WWC2: variants seen among roughly 807,000 people sequenced by gnomAD.
WWC2 encodes the protein protein WWC2.
Under a neutral mutation model 138.5 loss-of-function variants are expected in WWC2, and 101 were observed. The ratio of observed to expected loss-of-function variants is 0.73; its 90% CI spans 0.62 to 0.86. The LOEUF (loss-of-function observed/expected upper bound fraction) is 0.86. WWC2 is among the 40% of genes least tolerant of loss of function. The pLI is 0.00. For synonymous variants in WWC2, 558 were observed against 538.4 expected (o/e 1.04, Z -0.50); for missense variants, 1,420 against 1,419.4 (o/e 1.00, Z -0.01).
Position 183,284,204 on chromosome 4 carries a change from A to C in WWC2, c.2884-22A>C, listed in dbSNP as rs970500270. 5 of 1,607,916 alleles carry C rather than the reference A, an allele frequency of 3.1e-6. No homozygotes were observed. The Admixed American group carries it at 5.0e-5, about 16-fold the overall frequency. On this transcript the variant is annotated intron_variant, in intron 18 of 22. Coordinates refer to ENST00000403733, the MANE Select transcript of WWC2 (RefSeq NM_024949.6). ...GTTTACACATCTTTCAGCTCCTGAC[A>C]AATTGTTAACTTCTCTTATAGGTTG... is the stretch of plus-strand genomic sequence containing the variant.
chr4:183,232,508 T>C (rs1380750864), intron 4 of WWC2, among the ~76,000 whole-genome samples: 2 of 152,174 alleles, frequency 1.3e-5, no homozygotes, highest in Non-Finnish European at 2.9e-5. Flanking sequence ...ACATTTCATA[T>C]AAATGGCATC....
At chr4:183,162,018 TCTTTA>T (rs770278880) in intron 1 of WWC2, among the ~76,000 whole-genome samples, 21 of 152,282 alleles carry the variant, frequency 1.4e-4, no homozygotes, top group South Asian at 4.1e-4. Flanking sequence ...CTACCAAATG[TCTTTA>T]CTTTAAAAGA....
intron 8 of WWC2, among the ~76,000 whole-genome samples, chr4:183,250,278 A>G (rs1736938788): frequency 6.6e-6 from 1 of 152,082 alleles, no homozygotes; most frequent in Non-Finnish European, 1.5e-5. Flanking sequence ...AGTTGGTACA[A>G]TACTTAACTC....
chr4:183,238,617 G>A (rs34225278), intron 4 of WWC2, among the ~76,000 whole-genome samples: 32,579 of 151,816 alleles, frequency 0.21, 4,325 homozygotes, highest in South Asian at 0.3. Context: ...CCCTCACCCC[G>A]CTGTCCCTTT....
intron 1 of WWC2, among the ~76,000 whole-genome samples, chr4:183,135,359 C>T (rs1280295928): frequency 6.6e-6 from 1 of 151,980 alleles, no homozygotes; most frequent in African/African-American, 2.4e-5. Flanking sequence ...TAGTTTTTCT[C>T]TCTACTAGCT....
intron 21 of WWC2, among the ~76,000 whole-genome samples, chr4:183,294,385 A>G (rs960941069): frequency 6.6e-6 from 1 of 152,240 alleles, no homozygotes; most frequent in African/African-American, 2.4e-5. Flanking sequence ...TTGCCCTACA[A>G]ATTTATTAAA....
intron 11 of WWC2, among the ~76,000 whole-genome samples, chr4:183,262,784 G>A (rs1000254009): frequency 2.3e-4 from 35 of 152,000 alleles, no homozygotes; most frequent in Admixed American, 9.8e-4. Context: ...GTGTGCGTGC[G>A]TGCGTGCGTG....
In WWC2 at chr4:183,278,371, T is replaced by G. The variant is rs1228997136; in HGVS notation, c.2563-2405T>G. On this transcript the variant is annotated intron_variant, in intron 16 of 22. Coordinates refer to ENST00000403733, the MANE Select transcript of WWC2 (RefSeq NM_024949.6). ...TTGGTACCAGTACCATGCTGTTTTG[T>G]TTACTGTAGCCTTGTAGTATAGTTT... 3.4e-3 allele frequency among the ~76,000 whole-genome samples: 523 copies of G among 152,080 alleles called. 1 individual carries two copies. Among genetic ancestry groups the G allele is most frequent in the African/African-American group, 5.3e-3 (221 of 41,496 alleles).
In WWC2 at chr4:183,239,187, C is replaced by T. The variant is rs974751934; in HGVS notation, c.523-996C>T. On this transcript the variant is annotated intron_variant, in intron 4 of 22. Transcript: ENST00000403733. ...AAAACTAGCCAGGCGTGGTGGCGGG[C>T]GCCTGTAATCCCAGCTACTCTGGAT... is the stretch of plus-strand genomic sequence containing the variant. 5.3e-5 allele frequency among the ~76,000 whole-genome samples: 8 copies of T among 152,110 alleles called. No homozygotes were observed. In the East Asian group the frequency reaches 5.8e-4, roughly 11 times the overall value.
intron 4 of WWC2, among the ~76,000 whole-genome samples, chr4:183,219,913 G>T (rs992746820): frequency 6.6e-6 from 1 of 152,062 alleles, no homozygotes; most frequent in African/African-American, 2.4e-5. Context: ...TTAAGATAGA[G>T]AAATTATTCT....
intron 21 of WWC2, among the ~76,000 whole-genome samples, chr4:183,298,647 T>C (rs1738718739): frequency 6.6e-6 from 1 of 152,258 alleles, no homozygotes; most frequent in African/African-American, 2.4e-5. Flanking sequence ...TATCCATACC[T>C]GTGGCTTATG....
chr4:183,205,303 C>T (rs1735418200), intron 2 of WWC2, among the ~76,000 whole-genome samples: 1 of 152,152 alleles, frequency 6.6e-6, no homozygotes, highest in Non-Finnish European at 1.5e-5. Flanking sequence ...TTGTATTTCG[C>T]TGATAATTAG....
At chr4:183,230,649 C>T (rs1736216617) in intron 4 of WWC2, among the ~76,000 whole-genome samples, 1 of 151,982 alleles carries the variant, frequency 6.6e-6, no homozygotes, top group Non-Finnish European at 1.5e-5. Context: ...TGCACCCAGC[C>T]TGGGCAACTG....
In WWC2 at chr4:183,122,128, T is replaced by G. The variant is rs571583102; in HGVS notation, c.131+22506T>G. Among the ~76,000 whole-genome samples, 6 of 152,292 alleles carry G rather than the reference T, an allele frequency of 3.9e-5. No homozygotes were observed. In the East Asian group the frequency reaches 1.2e-3, roughly 29 times the overall value. On this transcript the variant is annotated intron_variant, in intron 1 of 22. Coordinates refer to ENST00000403733, the MANE Select transcript of WWC2 (RefSeq NM_024949.6). ...GTGAACTAGATTTCATATTCTTTGC[T>G]CTTTATTTTTATTGGAAAGTTGCTA... is the stretch of plus-strand genomic sequence containing the variant.
rs1375047012 is a variant in WWC2, at chr4:183,265,753, T to G, written c.2105T>G (p.Val702Gly). Residue 702 changes from valine to glycine, a missense_variant, in exon 13 of 23, where the codon GTT becomes GGT. Val to Gly is a moderately radical substitution (Grantham distance 109, BLOSUM62 -3). Transcript: ENST00000403733. ...GTAGCCATTGTAGAGACCGCCCAGG[T>G]TCAGATAGGACTCAGGTAAGGAATG... The part of the protein sequence containing the change: ...EDVAIVETAQ[V>G]QIGLRYNAKS... The G allele has an allele frequency of 6.2e-7, 1 of 1,611,340 alleles. No homozygotes were observed. Among genetic ancestry groups the G allele is most frequent in the Non-Finnish European group, 8.5e-7 (1 of 1,178,846 alleles).
chr4:183,201,275 GTTTGT>G, intron 2 of WWC2, among the ~76,000 whole-genome samples: 1 of 2,042 alleles, frequency 4.9e-4, no homozygotes, highest in Non-Finnish European at 1.6e-3. Flanking sequence ...CATACAGTTT[GTTTGT>G]TTTTTTTCAC....
intron 1 of WWC2, among the ~76,000 whole-genome samples, chr4:183,121,090 C>T (rs1732586378): frequency 6.6e-6 from 1 of 152,068 alleles, no homozygotes; most frequent in Non-Finnish European, 1.5e-5. Context: ...TGGCGGTGCG[C>T]ACCTGTAGTC....
intron 1 of WWC2, among the ~76,000 whole-genome samples, chr4:183,106,309 G>A (rs1743355344): frequency 1.3e-5 from 2 of 152,146 alleles, no homozygotes; most frequent in South Asian, 4.1e-4. Flanking sequence ...TAAAGGCACA[G>A]TGTGTATGTA....
chr4:183,294,896 G>A (rs1425157927), intron 21 of WWC2, among the ~76,000 whole-genome samples: 1 of 152,058 alleles, frequency 6.6e-6, no homozygotes, highest in Non-Finnish European at 1.5e-5. Flanking sequence ...TTTGCTCTAG[G>A]TAAAGTAGAT....
Sources: gnomAD v4.1 joint callset for allele counts (sites outside exome capture counted in the v4.1 genomes callset) on GRCh38, gnomAD v4.1.1 for gene constraint, MANE v1.5 for transcripts, NCBI Gene and HGNC (gene_info 2026-07-23, HGNC 2026-07-21) for gene names.